EML5: variants seen among roughly 807,000 people sequenced by gnomAD.
The protein encoded by EML5 is echinoderm microtubule-associated protein-like 5.
EML5 carries 120 observed loss-of-function variants against 250.0 expected under a neutral mutation model. That is an observed-to-expected ratio of 0.48 (90% CI 0.41 to 0.56). The LOEUF (loss-of-function observed/expected upper bound fraction) is 0.56, where lower values mean the gene tolerates loss of function less well. Among genes scored for constraint, EML5 ranks in the 20% least tolerant of loss-of-function variants. EML5 has a pLI of 0.00. For synonymous variants in EML5, 771 were observed against 806.5 expected (o/e 0.96, Z 0.75); for missense variants, 2,006 against 2,437.6 (o/e 0.82, Z 3.73).
intron 13 of EML5, among the ~76,000 whole-genome samples, chr14:88,702,857 C>T (rs968039260): frequency 6.6e-6 from 1 of 152,136 alleles, no homozygotes; most frequent in African/African-American, 2.4e-5. Context: ...TAGGCTCAAA[C>T]GATCCTCCCA....
At chr14:88,734,784 C>T (rs2140180218) in intron 7 of EML5, among the ~76,000 whole-genome samples, 1 of 152,092 alleles carries the variant, frequency 6.6e-6, no homozygotes, top group East Asian at 1.9e-4. Context: ...TGTTAAAATA[C>T]ACTATGGGTA....
At chr14:88,741,031 C>T (rs145589932) in intron 4 of EML5, among the ~76,000 whole-genome samples, 20 of 152,118 alleles carry the variant, frequency 1.3e-4, no homozygotes, top group African/African-American at 4.6e-4. Flanking sequence ...GGTATGGTGG[C>T]GCATGCCTGT....
At chr14:88,698,158 A>C (rs2093124169) in intron 14 of EML5, among the ~76,000 whole-genome samples, 1 of 152,168 alleles carries the variant, frequency 6.6e-6, no homozygotes, top group African/African-American at 2.4e-5. Flanking sequence ...TTGTGGGTAC[A>C]CAGTAGTACC....
At chr14:88,716,363 C>T (rs1375752991) in intron 8 of EML5, among the ~76,000 whole-genome samples, 1 of 152,146 alleles carries the variant, frequency 6.6e-6, no homozygotes, top group Non-Finnish European at 1.5e-5. Context: ...AGGTCCTCTT[C>T]CTATGCATAG....
At chr14:88,696,151 T>G (rs2093072894) in intron 15 of EML5, among the ~76,000 whole-genome samples, 1 of 142,364 alleles carries the variant, frequency 7.0e-6, no homozygotes, top group Admixed American at 7.5e-5. Flanking sequence ...TCTTAACTGT[T>G]AGCAACTCTT....
At chr14:88,725,120 GA>G (rs2093647585) in intron 8 of EML5, among the ~76,000 whole-genome samples, 1 of 152,118 alleles carries the variant, frequency 6.6e-6, no homozygotes, top group African/African-American at 2.4e-5. Context: ...TAGAGACCCA[GA>G]AAGTAGAATG....
rs1318112231 is a variant in EML5, at chr14:88,665,370, T to C, written c.3244A>G (p.Lys1082Glu). The change falls in exon 22 of 44, where the codon AAA becomes GAA. Residue 1082 changes from lysine (K) to glutamate (E), a missense_variant. Lys to Glu is a moderately conservative substitution (Grantham distance 56). Coordinates refer to ENST00000554922, the MANE Select transcript of EML5 (RefSeq NM_183387.3). ...LEDLVSFHHR[K>E]DMISDIRFSP... is the part of the protein sequence containing the mutation. Reference sequence around the variant, plus strand: ...AATCGAATATCTGAAATCATATCTTTTCTGTGATGAAAAGACACAAGATCC... The same window carrying C: ...AATCGAATATCTGAAATCATATCTTCTCTGTGATGAAAAGACACAAGATCC... The C allele has an allele frequency of 1.9e-6, 3 of 1,613,398 alleles. No individual in the cohort carries two copies.
At chr14:88,649,842 TA>T in intron 28 of EML5, 69 bp downstream of exon 28, 1 of 1,272,206 alleles carries the variant, frequency 7.9e-7, no homozygotes, top group Non-Finnish European at 1.1e-6. Context: ...AAAAATACCT[TA>T]AAATACCATA....
chr14:88,618,456 A>C, intron 40 of EML5, 125 bp from the exon 41 acceptor site: 1 of 1,096,112 alleles, frequency 9.1e-7, no homozygotes, highest in Non-Finnish European at 1.3e-6. Flanking sequence ...AGTATGCAAA[A>C]GATCACTACA....
rs1006423730 is a variant in EML5 at position 88,614,265 on chromosome 14, T to C, written c.*1553A>G. 2.0e-5 allele frequency: 3 copies of C among 152,220 alleles called. No individual in the cohort carries two copies. Among genetic ancestry groups the C allele is most frequent in the Non-Finnish European group, 2.9e-5 (2 of 68,026 alleles). The allele number at this position is 152,220 out of a possible 1,614,324, so 9.4% of individuals were successfully genotyped here. On this transcript the variant is annotated 3_prime_UTR_variant, in exon 44 of 44. Coordinates refer to ENST00000554922, the MANE Select transcript of EML5 (RefSeq NM_183387.3). ...TACATGAGTAGAAACTTAATAGTCA[T>C]GTATTTCAAAATTTGGCTTAATTTA...
At chr14:88,781,603 C>T (rs1467060960) in intron 1 of EML5, among the ~76,000 whole-genome samples, 1 of 152,104 alleles carries the variant, frequency 6.6e-6, no homozygotes, top group Admixed American at 6.5e-5. Context: ...CTCATAATCC[C>T]CAGACATGGG....
Position 88,759,698 on chromosome 14 carries a change from A to AAAAAAAAAAAAAAAAAAAAAAAC in EML5, c.198-5028_198-5027insGTTTTTTTTTTTTTTTTTTTTTT, listed in dbSNP as rs758968634. Among the ~76,000 whole-genome samples, 102 of 142,144 alleles carry AAAAAAAAAAAAAAAAAAAAAAAC rather than the reference A, an allele frequency of 7.2e-4. 1 individual carries two copies. Among genetic ancestry groups the AAAAAAAAAAAAAAAAAAAAAAAC allele is most frequent in the Non-Finnish European group, 9.2e-4 (60 of 65,230 alleles). 93.3% of individuals were successfully genotyped at this position (142,144 alleles called of 152,430 possible). On this transcript the variant is annotated intron_variant, in intron 1 of 43. Transcript: ENST00000554922. ...GTCACCATCTCTTAAAAAAAAAAAA[A>AAAAAAAAAAAAAAAAAAAAAAAC]AAAAAACTGGGGAGAAAAACTATGC...
chr14:88,640,625 C>G lies in EML5; in HGVS notation c.4238-1718G>C, dbSNP rs574151430. Among the ~76,000 whole-genome samples, 180 of 152,174 alleles carry G rather than the reference C, an allele frequency of 1.2e-3. 1 individual carries two copies. The highest frequency in any genetic ancestry group is 4.2e-3 in the African/African-American group (175 of 41,538). ...AAATGTTAGAAAGATCCCAAATTAA[C>G]AATCTAACATCACACCTGGAGGAAA... is the stretch of plus-strand genomic sequence containing the variant. On this transcript the variant is annotated intron_variant, in intron 31 of 43. Transcript: ENST00000554922.
At position 88,758,200 on chromosome 14, in the gene EML5, A is replaced by T. The variant is rs564281797; in HGVS notation, c.198-3529T>A. 6.7e-4 allele frequency among the ~76,000 whole-genome samples: 100 copies of T among 149,266 alleles called. No homozygotes were observed. The East Asian group carries it at 0.014, about 21-fold the overall frequency. ...TATATATACATATATATGTGTATTT[A>T]TTTTTTTTTGACACAGAGTTTCACT... On this transcript the variant is annotated intron_variant, in intron 1 of 43. Transcript: ENST00000554922.
chr14:88,659,019 T>C (rs1358993333), intron 25 of EML5, among the ~76,000 whole-genome samples: 1 of 152,192 alleles, frequency 6.6e-6, no homozygotes, highest in Non-Finnish European at 1.5e-5. Flanking sequence ...GTGCTTTTTT[T>C]TGTAAGCAAT....
intron 42 of EML5, 66 bp from the exon 43 acceptor site, chr14:88,616,308 G>T (rs192352666): frequency 1.0e-4 from 145 of 1,440,254 alleles, no homozygotes; most frequent in Admixed American, 3.0e-4. Context: ...CTCTTATTAG[G>T]AACTATAATC....
At position 88,663,058 on chromosome 14, in the gene EML5, C is replaced by A; in HGVS notation, c.3471G>T (p.Gly1157=). ...KEQLFFEAPR[G]KKQTIPSVEV... ...CCACGCTGGGGATGGTTTGTTTTTT[C>A]CCTCTGGGAGCTTCAAAGAATAATT... is the stretch of plus-strand genomic sequence containing the variant. The change falls in exon 24 of 44, where the codon GGG becomes GGT. Residue 1157 remains glycine, a synonymous_variant. Coordinates refer to ENST00000554922, the MANE Select transcript of EML5 (RefSeq NM_183387.3). The A allele has an allele frequency of 6.4e-7, 1 of 1,553,422 alleles. No homozygotes were observed. Among genetic ancestry groups the A allele is most frequent in the African/African-American group, 1.4e-5 (1 of 73,282 alleles).
intron 9 of EML5, among the ~76,000 whole-genome samples, chr14:88,712,852 A>G (rs1270253787): frequency 6.6e-6 from 1 of 152,162 alleles, no homozygotes; most frequent in African/African-American, 2.4e-5. Context: ...CAGGTATTAA[A>G]AAAGAAGCCT....
At chr14:88,630,132 G>A (rs1567034064) in intron 33 of EML5, among the ~76,000 whole-genome samples, 1 of 147,682 alleles carries the variant, frequency 6.8e-6, no homozygotes, top group Non-Finnish European at 1.5e-5. Context: ...TGGGGTTCAA[G>A]TGATTATCCT....
Sources: allele counts gnomAD v4.1 joint callset (sites outside exome capture counted in the v4.1 genomes callset), GRCh38; gene constraint gnomAD v4.1.1; transcripts MANE v1.5; gene names NCBI Gene and HGNC (gene_info 2026-07-23, HGNC 2026-07-21).